Variants in ST18 observed in about 807,000 individuals in gnomAD.
ST18 encodes suppression of tumorigenicity 18 protein.
ST18 carries 50 observed loss-of-function variants against 110.0 expected under a neutral mutation model. That is an observed-to-expected ratio of 0.45 (90% CI 0.36 to 0.58). The LOEUF (loss-of-function observed/expected upper bound fraction) is 0.58. Among genes scored for constraint, ST18 ranks in the 20% least tolerant of loss-of-function variants. The pLI is 0.00. For missense variants in ST18, 1,306 were observed against 1,280.1 expected, an observed-to-expected ratio of 1.02 and a Z score of -0.31; for synonymous variants, 461 against 452.4, an observed-to-expected ratio of 1.02 and a Z score of -0.24.
chr8:52,242,416 A>G (rs1250449479), intron 2 of ST18, among the ~76,000 whole-genome samples: 1 of 152,236 alleles, frequency 6.6e-6, no homozygotes, highest in Non-Finnish European at 1.5e-5. Context: ...GCCCCGGCGC[A>G]TCACAGGCAA....
chr8:52,299,704 A>G (rs2095687680), intron 2 of ST18, among the ~76,000 whole-genome samples: 1 of 152,226 alleles, frequency 6.6e-6, no homozygotes, highest in African/African-American at 2.4e-5. Context: ...TGAAAGTAGT[A>G]TCAACCTGAG....
chr8:52,168,568 C>T (rs755943627), intron 10 of ST18, among the ~76,000 whole-genome samples: 16 of 151,948 alleles, frequency 1.1e-4, no homozygotes, highest in Non-Finnish European at 1.5e-4. Context: ...AAGGATCCTT[C>T]GAGTCGTTCT....
At chr8:52,344,858 G>A (rs1410151351) in intron 2 of ST18, among the ~76,000 whole-genome samples, 1 of 152,066 alleles carries the variant, frequency 6.6e-6, no homozygotes, top group Non-Finnish European at 1.5e-5. Context: ...GTTTTACCAT[G>A]TGCCAATAAC....
chr8:52,335,523 C>T (rs1025596157), intron 2 of ST18, among the ~76,000 whole-genome samples: 8 of 152,116 alleles, frequency 5.3e-5, no homozygotes, highest in East Asian at 1.9e-4. Flanking sequence ...AATCAAAGCA[C>T]GGATTTCATA....
At chr8:52,269,502 C>T (rs578177536) in intron 2 of ST18, among the ~76,000 whole-genome samples, 12 of 152,144 alleles carry the variant, frequency 7.9e-5, no homozygotes, top group Non-Finnish European at 1.8e-4. Context: ...GTTAGGCCAC[C>T]AAGCAGCTGG....
At chr8:52,342,757 C>T (rs1815726960) in intron 2 of ST18, among the ~76,000 whole-genome samples, 2 of 152,122 alleles carry the variant, frequency 1.3e-5, no homozygotes. Context: ...GGCACTAGAA[C>T]CCAGGACTCT....
At chr8:52,367,498 GATCAAAGTGT>G (rs1274863164) in intron 2 of ST18, among the ~76,000 whole-genome samples, 1 of 152,106 alleles carries the variant, frequency 6.6e-6, no homozygotes, top group Non-Finnish European at 1.5e-5. Flanking sequence ...ATCACTACCA[GATCAAAGTGT>G]ATAAATATAT....
chr8:52,142,506 T>C (rs1384045916), intron 17 of ST18, among the ~76,000 whole-genome samples: 2 of 152,164 alleles, frequency 1.3e-5, no homozygotes, highest in Non-Finnish European at 2.9e-5. Context: ...CGCTAGTACA[T>C]AACTCGTACT....
chr8:52,203,717 G>A (rs1380327498), intron 8 of ST18, among the ~76,000 whole-genome samples: 1 of 152,176 alleles, frequency 6.6e-6, no homozygotes, highest in African/African-American at 2.4e-5. Flanking sequence ...GTAGGACTGG[G>A]GAGAAAAGAG....
intron 2 of ST18, among the ~76,000 whole-genome samples, chr8:52,401,744 T>C (rs796674094): frequency 2.0e-5 from 3 of 152,344 alleles, no homozygotes; most frequent in African/African-American, 7.2e-5. Context: ...ATCTGTATTC[T>C]CTTGTTTCCT....
At chr8:52,329,694 G>C (rs1280076901) in intron 2 of ST18, among the ~76,000 whole-genome samples, 2 of 152,136 alleles carry the variant, frequency 1.3e-5, no homozygotes, top group African/African-American at 2.4e-5. Context: ...GGCAGAGGTT[G>C]CAGTGAGCCA....
chr8:52,125,998 G>A, intron 23 of ST18, 54 bp downstream of exon 23: 1 of 1,431,148 alleles, frequency 7.0e-7, no homozygotes, highest in Admixed American at 2.0e-5. Flanking sequence ...ACGCTTTGGG[G>A]AGCCAGGGTC....
intron 2 of ST18, among the ~76,000 whole-genome samples, chr8:52,339,813 T>G (rs536865664): frequency 9.9e-4 from 151 of 152,246 alleles, no homozygotes; most frequent in Non-Finnish European, 1.7e-3. Flanking sequence ...TTTTAGTTAT[T>G]TGGATGCTAC....
At chr8:52,124,813 G>C (rs1186829523) in intron 23 of ST18, among the ~76,000 whole-genome samples, 2 of 152,054 alleles carry the variant, frequency 1.3e-5, no homozygotes, top group South Asian at 2.1e-4. Flanking sequence ...CCCCAACAAG[G>C]ACCGCTTTAA....
chr8:52,193,125 A>C (rs2075116143), intron 8 of ST18, among the ~76,000 whole-genome samples: 1 of 152,242 alleles, frequency 6.6e-6, no homozygotes, highest in South Asian at 2.1e-4. Context: ...TGAGTCGTGC[A>C]ACCAAGTAAA....
intron 8 of ST18, among the ~76,000 whole-genome samples, chr8:52,182,935 G>A (rs969727548): frequency 3.9e-5 from 6 of 152,096 alleles, no homozygotes; most frequent in South Asian, 2.1e-4. Flanking sequence ...TGACGACTGC[G>A]GTGATGAATG....
At chr8:52,293,005 G>A (rs556316588) in intron 2 of ST18, among the ~76,000 whole-genome samples, 200 of 152,314 alleles carry the variant, frequency 1.3e-3, no homozygotes, top group Non-Finnish European at 1.9e-3. Flanking sequence ...GTCTATACAG[G>A]TTTGGAAATT....
At chr8:52,380,870 G>T (rs975231515) in intron 2 of ST18, among the ~76,000 whole-genome samples, 1 of 152,118 alleles carries the variant, frequency 6.6e-6, no homozygotes, top group Non-Finnish European at 1.5e-5. Context: ...TCCTTGTAAC[G>T]TAAGCTGCAC....
At chr8:52,266,822 G>A (rs2094887533) in intron 2 of ST18, among the ~76,000 whole-genome samples, 1 of 152,140 alleles carries the variant, frequency 6.6e-6, no homozygotes, top group Non-Finnish European at 1.5e-5. Context: ...CACCGCACCT[G>A]GCCTCTTCCA....
Sources: allele counts gnomAD v4.1 joint callset (sites outside exome capture counted in the v4.1 genomes callset), GRCh38; gene constraint gnomAD v4.1.1; transcripts MANE v1.5; gene names NCBI Gene and HGNC (gene_info 2026-07-23, HGNC 2026-07-21).